Variants in DMXL2 observed in about 807,000 individuals in gnomAD.
DMXL2 encodes Dmx like 2.
In DMXL2, 103 loss-of-function variants were observed where a neutral mutation model predicts 331.1. The ratio of observed to expected loss-of-function variants is 0.31; its 90% CI spans 0.27 to 0.37. DMXL2 has a LOEUF of 0.37. Among genes scored for constraint, DMXL2 ranks in the 10% least tolerant of loss-of-function variants. The pLI is 1.00. For synonymous variants in DMXL2, 1,281 were observed against 1,252.1 expected, an observed-to-expected ratio of 1.02 and a Z score of -0.49; for missense variants, 3,171 against 3,642.9, an observed-to-expected ratio of 0.87 and a Z score of 3.33.
intron 23 of DMXL2, among the ~76,000 whole-genome samples, chr15:51,482,975 G>A (rs1457307893): frequency 6.6e-6 from 1 of 152,176 alleles, no homozygotes; most frequent in Non-Finnish European, 1.5e-5. Flanking sequence ...GCAGTGTGGA[G>A]GTACCCGGCC....
At chr15:51,597,106 C>T (rs2052878751) in intron 1 of DMXL2, among the ~76,000 whole-genome samples, 1 of 152,048 alleles carries the variant, frequency 6.6e-6, no homozygotes, top group Non-Finnish European at 1.5e-5. Flanking sequence ...CATGCACCTA[C>T]ATAATCCCTC....
At position 51,449,005 on chromosome 15, in the gene DMXL2, G is replaced by C; in HGVS notation, c.9156C>G (p.Asn3052Lys). ...RVLPNAFNIPNRILDIL is the reference protein window; with the variant it reads ...RVLPNAFNIPKRILDIL ...ATCTTTATAGAATGTCAAGAATTCT[G>C]TTAGGGATGTTAAAAGCATTGGGCA... The change falls in exon 44 of 44, where the codon AAC becomes AAG. Residue 3052 changes from asparagine to lysine, a missense_variant. Physicochemically the swap from Asn to Lys is moderately conservative, Grantham distance 94. Transcript: ENST00000560891. The C allele has an allele frequency of 1.2e-6, 2 of 1,614,100 alleles. No individual in the cohort carries two copies. Among genetic ancestry groups the C allele is most frequent in the South Asian group, 2.2e-5 (2 of 91,084 alleles).
Position 51,456,123 on chromosome 15 carries a change from A to C in DMXL2, c.8469T>G (p.Phe2823Leu), listed in dbSNP as rs1158229584. 4 of 1,614,096 alleles carry C rather than the reference A, an allele frequency of 2.5e-6. No individual in the cohort carries two copies. The highest frequency in any genetic ancestry group is 2.5e-6 in the Non-Finnish European group (3 of 1,180,044). ...TAACTCTTGCATTGCCAGCTTGACG[A>C]AAGCAGACAAGTTGCTGAGGCCGCG... ...EWTRPQQLVC[F>L]RQAGNARVTR... Residue 2823 changes from phenylalanine (F) to leucine (L), a missense_variant, in exon 39 of 44, where the codon TTT becomes TTG. By Grantham distance (22) the Phe-to-Leu change is conservative (BLOSUM62 0). Around this residue, in one of 7 missense-constraint regions of DMXL2, gnomAD observed 766 missense variants for 940.5 expected, o/e 0.81. Coordinates refer to ENST00000560891, the MANE Select transcript of DMXL2 (RefSeq NM_001378457.1).
In DMXL2 at chr15:51,474,409, G is replaced by C. The variant is rs140233306; in HGVS notation, c.7148C>G (p.Ala2383Gly). The change falls in exon 28 of 44, where the codon GCT becomes GGT. Residue 2383 changes from alanine to glycine, a missense_variant. This residue lies in a region of DMXL2 where 766 missense variants were observed against 940.5 expected (regional missense o/e 0.81). Coordinates refer to ENST00000560891, the MANE Select transcript of DMXL2 (RefSeq NM_001378457.1). ...TTTTACACCGCCTCCAAAAACAGCA[G>C]CCCACATTCGATTATTTAATGGGTG... is the stretch of plus-strand genomic sequence containing the variant. Reference protein sequence around the residue: ...AAHPLNNRMWAAVFGGGVKLV... With the variant: ...AAHPLNNRMWGAVFGGGVKLV... 113 of 1,612,918 alleles carry C rather than the reference G, an allele frequency of 7.0e-5. No homozygotes were observed. In the African/African-American group the frequency reaches 1.4e-3, roughly 21 times the overall value.
intron 1 of DMXL2, among the ~76,000 whole-genome samples, chr15:51,597,021 T>C (rs2052869198): frequency 6.6e-6 from 1 of 152,108 alleles, no homozygotes; most frequent in Non-Finnish European, 1.5e-5. Flanking sequence ...TGTATACATA[T>C]GTAACTAACC....
chr15:51,549,744 C>T (rs949959969), intron 6 of DMXL2, among the ~76,000 whole-genome samples: 2 of 152,066 alleles, frequency 1.3e-5, no homozygotes, highest in African/African-American at 4.8e-5. Context: ...GCTTGTCAGC[C>T]ATTTGTATAT....
Position 51,457,382 on chromosome 15 carries a change from T to G in DMXL2, c.8283A>C (p.Pro2761=), listed in dbSNP as rs748662576. 3 of 1,614,166 alleles carry G rather than the reference T, an allele frequency of 1.9e-6. No individual in the cohort carries two copies. Among genetic ancestry groups the G allele is most frequent in the Non-Finnish European group, 2.5e-6 (3 of 1,180,018 alleles). ...TGCCCAGCCATGGCAGAGATGAAGG[T>G]GGATGCACCTGACTTGCTGAATAGG... is the stretch of plus-strand genomic sequence containing the variant. ...ATSYSASQVH[P]PSSLPWLGTG... The change falls in exon 37 of 44, where the codon CCA becomes CCC. Residue 2761 remains proline, a synonymous_variant. Transcript: ENST00000560891.
chr15:51,515,682 C>A (rs2140657848), intron 14 of DMXL2, among the ~76,000 whole-genome samples: 1 of 152,144 alleles, frequency 6.6e-6, no homozygotes, highest in East Asian at 1.9e-4. Context: ...TTTACCAGCC[C>A]CTGTGTTAAA....
chr15:51,477,137 C>T (rs1406365102), intron 26 of DMXL2, among the ~76,000 whole-genome samples: 3 of 151,758 alleles, frequency 2.0e-5, no homozygotes, highest in Non-Finnish European at 4.4e-5. Flanking sequence ...CAAGTTTAAC[C>T]CTAAATTAAA....
intron 23 of DMXL2, among the ~76,000 whole-genome samples, chr15:51,483,337 C>T (rs2042154674): frequency 6.6e-6 from 1 of 152,198 alleles, no homozygotes. Context: ...CTCTCCAACA[C>T]TGGGGACCCG....
At chr15:51,606,076 C>A (rs1048931936) in intron 1 of DMXL2, among the ~76,000 whole-genome samples, 4 of 152,136 alleles carry the variant, frequency 2.6e-5, no homozygotes, top group African/African-American at 4.8e-5. Context: ...AATGAAAGTG[C>A]TCCATCTGAC....
At chr15:51,534,123 CATG>C (rs2048154787) in intron 13 of DMXL2, among the ~76,000 whole-genome samples, 1 of 152,072 alleles carries the variant, frequency 6.6e-6, no homozygotes, top group Non-Finnish European at 1.5e-5. Flanking sequence ...ACAGTCAGCT[CATG>C]ATGAGTCAAT....
At chr15:51,493,944 T>A (rs1322703201) in intron 19 of DMXL2, among the ~76,000 whole-genome samples, 1 of 152,202 alleles carries the variant, frequency 6.6e-6, no homozygotes. Context: ...TCAATTTTTG[T>A]TGGTACGTAG....
At chr15:51,456,975 C>T (rs1184505476) in intron 37 of DMXL2, among the ~76,000 whole-genome samples, 2 of 152,038 alleles carry the variant, frequency 1.3e-5, no homozygotes, top group Non-Finnish European at 2.9e-5. Flanking sequence ...AGTTCGAGAA[C>T]AGCCTGGGCA....
At position 51,481,710 on chromosome 15, in the gene DMXL2, C is replaced by G. The variant is rs545011550; in HGVS notation, c.5483-87G>C. On this transcript the variant is annotated intron_variant, in intron 23 of 43. Transcript: ENST00000560891. Reference sequence around the variant, plus strand: ...ACAATAAAATACGTCAGCATTTCTTCAAAAAAACAACATGTAAATATTAAC... The same window carrying G: ...ACAATAAAATACGTCAGCATTTCTTGAAAAAAACAACATGTAAATATTAAC... 9.1e-4 allele frequency: 1,151 copies of G among 1,264,842 alleles called. 9 individuals are homozygous for G. The Middle Eastern group carries it at 0.029, about 31-fold the overall frequency. 78.4% of individuals were successfully genotyped at this position (1,264,842 alleles called of 1,614,324 possible).
chr15:51,450,594 C>T, intron 42 of DMXL2: 4 of 464,988 alleles, frequency 8.6e-6, no homozygotes, highest in South Asian at 8.5e-5. Context: ...AAAGTTTAAA[C>T]CTTAAGCCCT....
chr15:51,539,626 C>T (rs1176798039), intron 9 of DMXL2, among the ~76,000 whole-genome samples: 1 of 151,904 alleles, frequency 6.6e-6, no homozygotes, highest in African/African-American at 2.4e-5. Context: ...CTGGGAAACA[C>T]AGCGAGACAC....
At position 51,481,639 on chromosome 15, in the gene DMXL2, A is replaced by G. The variant is rs1445572863; in HGVS notation, c.5483-16T>C. Reference sequence around the variant, plus strand: ...TTGATGATAACTATAGAAATCAAACAGATAAAATCACAAAGCATTGTGTTA... The same window carrying G: ...TTGATGATAACTATAGAAATCAAACGGATAAAATCACAAAGCATTGTGTTA... On this transcript the variant is annotated splice_polypyrimidine_tract_variant and intron_variant, in intron 23 of 43. Transcript: ENST00000560891. 3.3e-6 allele frequency: 5 copies of G among 1,517,868 alleles called. No homozygotes were observed. Among genetic ancestry groups the G allele is most frequent in the Non-Finnish European group, 4.4e-6 (5 of 1,134,032 alleles). 94.0% of individuals were successfully genotyped at this position (1,517,868 alleles called of 1,614,324 possible).
intron 17 of DMXL2, among the ~76,000 whole-genome samples, chr15:51,501,492 GA>G (rs1456659681): frequency 6.6e-6 from 1 of 152,090 alleles, no homozygotes; most frequent in Non-Finnish European, 1.5e-5. Flanking sequence ...ATAAAGGTGA[GA>G]CGTGATTACC....
Sources: gnomAD v4.1 joint callset for allele counts (sites outside exome capture counted in the v4.1 genomes callset) on GRCh38, gnomAD v4.1.1 for gene constraint, gnomAD v4.1.1 regional missense constraint, MANE v1.5 for transcripts, NCBI Gene and HGNC (gene_info 2026-07-23, HGNC 2026-07-21) for gene names.